KDM5B: variants seen among roughly 807,000 people sequenced by gnomAD.
The protein encoded by KDM5B is lysine-specific demethylase 5B.
KDM5B carries 144 observed loss-of-function variants against 193.4 expected under a neutral mutation model. The observed-to-expected ratio is 0.74, with a 90% CI of 0.65 to 0.86. The LOEUF is 0.86. Ranked by LOEUF, KDM5B falls within the 40% of genes least tolerant of loss-of-function variation. KDM5B has a pLI of 0.00. For missense variants in KDM5B, 1,833 were observed against 1,886.9 expected (o/e 0.97, Z 0.53); for synonymous variants, 668 against 682.6 (o/e 0.98, Z 0.33).
intron 1 of KDM5B, among the ~76,000 whole-genome samples, chr1:202,784,413 A>G (rs898826305): frequency 3.3e-5 from 5 of 152,210 alleles, no homozygotes; most frequent in Non-Finnish European, 7.3e-5. Flanking sequence ...ATGTTCTATG[A>G]AACCCAGTCA....
chr1:202,760,654 C>A, intron 7 of KDM5B, 81 bp from the exon 8 acceptor site: 1 of 1,017,108 alleles, frequency 9.8e-7, no homozygotes, highest in Non-Finnish European at 1.4e-6. Context: ...TGAAATGGAT[C>A]TGAGACATAA....
At position 202,728,914 on chromosome 1, in the gene KDM5B, G is replaced by C; in HGVS notation, c.*122C>G. 1 of 1,135,698 alleles carries C rather than the reference G, an allele frequency of 8.8e-7. No individual in the cohort carries two copies. Among genetic ancestry groups the C allele is most frequent in the Non-Finnish European group, 1.3e-6 (1 of 784,574 alleles). The allele number at this position is 1,135,698 out of a possible 1,614,324, so 70.4% of individuals were successfully genotyped here. ...TGGAAAAATGATCCCATAAGGAATA[G>C]AAATAGCACCGTTTACAGGCTGGCT... On this transcript the variant is annotated 3_prime_UTR_variant, in exon 27 of 27. Transcript: ENST00000367265.
chr1:202,742,388 T>TAC lies in KDM5B; in HGVS notation c.2589+1_2589+2dup. On this transcript the variant is annotated splice_region_variant and intron_variant, in intron 18 of 26. Transcript: ENST00000367265. ...ATTCTCCCACACATCCCTCTATGGT[T>TAC]ACCTTTAGTAATGGTGTCTGACTGA... The TAC allele has an allele frequency of 6.2e-7, 1 of 1,600,686 alleles. No homozygotes were observed. Among genetic ancestry groups the TAC allele is most frequent in the East Asian group, 2.2e-5 (1 of 44,832 alleles).
rs569975490 is a variant in KDM5B at position 202,767,991 on chromosome 1, C to A, written c.577-931G>T. ...ACTGTATAGTTTCAGATATAACTAG[C>A]AAAGTTATCATCCAAAGATATCACC... On this transcript the variant is annotated intron_variant, in intron 4 of 26. Coordinates refer to ENST00000367265, the MANE Select transcript of KDM5B (RefSeq NM_006618.5). Among the ~76,000 whole-genome samples the A allele has an allele frequency of 2.8e-4, 42 of 152,260 alleles. No individual in the cohort carries two copies. The South Asian group carries it at 8.7e-3, about 32-fold the overall frequency.
Position 202,735,510 on chromosome 1 carries a change from A to G in KDM5B, c.3342T>C (p.Asn1114=), listed in dbSNP as rs1297334067. Residue 1114 remains asparagine, a synonymous_variant, in exon 22 of 27, where the codon AAT becomes AAC. Transcript: ENST00000367265. ...CTAATTTGGTGCTTTTTTTCTTTCCATTTGGCAAGGGCTCCTTTAACTTTC... is the reference window on the plus strand; with the variant it reads ...CTAATTTGGTGCTTTTTTTCTTTCCGTTTGGCAAGGGCTCCTTTAACTTTC... ...KQRKLKEPLP[N]GKKKSTKLES... The G allele has an allele frequency of 6.2e-7, 1 of 1,613,936 alleles. No individual in the cohort carries two copies. The highest frequency in any genetic ancestry group is 1.7e-5 in the Admixed American group (1 of 60,012).
At chr1:202,769,437 AGG>A (rs1656617665) in intron 4 of KDM5B, among the ~76,000 whole-genome samples, 1 of 151,482 alleles carries the variant, frequency 6.6e-6, no homozygotes, top group Non-Finnish European at 1.5e-5. Context: ...TGGGAGGCCA[AGG>A]CAGGTAGATC....
chr1:202,796,010 G>C (rs1657831103), intron 1 of KDM5B: 1 of 192,306 alleles, frequency 5.2e-6, no homozygotes, highest in African/African-American at 2.4e-5. Context: ...CCAATCTAGA[G>C]CTAGGACTGA....
At chr1:202,781,416 G>A (rs1475699704) in intron 1 of KDM5B, among the ~76,000 whole-genome samples, 1 of 152,152 alleles carries the variant, frequency 6.6e-6, no homozygotes. Flanking sequence ...GGTAATTATC[G>A]GTAAGGCCTT....
chr1:202,754,493 A>G (rs1239067743), intron 11 of KDM5B, among the ~76,000 whole-genome samples: 4 of 152,146 alleles, frequency 2.6e-5, no homozygotes, highest in Admixed American at 2.6e-4. Flanking sequence ...GGCTCACTCT[A>G]CTGTGCATAG....
chr1:202,783,636 G>C (rs535512585), intron 1 of KDM5B, among the ~76,000 whole-genome samples: 20 of 152,284 alleles, frequency 1.3e-4, no homozygotes, highest in African/African-American at 4.8e-4. Context: ...CCAGCACTTC[G>C]GGAGGCCGAG....
At chr1:202,782,359 T>C (rs79175116) in intron 1 of KDM5B, among the ~76,000 whole-genome samples, 1 of 151,800 alleles carries the variant, frequency 6.6e-6, no homozygotes, top group African/African-American at 2.4e-5. Flanking sequence ...GGGACACGAA[T>C]TTTTTTTTCT....
intron 7 of KDM5B, 28 bp downstream of exon 7, chr1:202,762,671 A>T: frequency 7.9e-7 from 1 of 1,270,462 alleles, no homozygotes; most frequent in Non-Finnish European, 1.2e-6. Flanking sequence ...AACAGGAAAG[A>T]AAAAGGAGAA....
At position 202,755,278 on chromosome 1, in the gene KDM5B, A is replaced by T; in HGVS notation, c.1531T>A (p.Leu511Met). Reference sequence around the variant, plus strand: ...CTTTTTGGAACTTCTCACCAGTGCAAGTAGTTAATTGAATAGCTCCAGTGG... The same window carrying T: ...CTTTTTGGAACTTCTCACCAGTGCATGTAGTTAATTGAATAGCTCCAGTGG... ...EDHWSYSINY[L>M]HWGEPKTWYG... is the part of the protein sequence containing the mutation. Residue 511 changes from leucine (L) to methionine (M), a missense_variant, in exon 11 of 27, where the codon TTG becomes ATG. Coordinates refer to ENST00000367265, the MANE Select transcript of KDM5B (RefSeq NM_006618.5). 6.2e-7 allele frequency: 1 copy of T among 1,613,890 alleles called. No individual in the cohort carries two copies. The highest frequency in any genetic ancestry group is 8.5e-7 in the Non-Finnish European group (1 of 1,179,780).
Position 202,760,592 on chromosome 1 carries a change from G to T in KDM5B, c.919-19C>A. The T allele has an allele frequency of 6.4e-7, 1 of 1,571,988 alleles. No homozygotes were observed. The highest frequency in any genetic ancestry group is 8.6e-7 in the Non-Finnish European group (1 of 1,159,300). On this transcript the variant is annotated intron_variant, in intron 7 of 26. Coordinates refer to ENST00000367265, the MANE Select transcript of KDM5B (RefSeq NM_006618.5). ...GGTCCACCTGTAGCAATAAAAGTGG[G>T]TACAGAACAAAGGAACATGAGCTAT...
At chr1:202,747,170 T>C (rs1655591910) in intron 14 of KDM5B, among the ~76,000 whole-genome samples, 1 of 152,188 alleles carries the variant, frequency 6.6e-6, no homozygotes, top group African/African-American at 2.4e-5. Flanking sequence ...CTGCCAATTA[T>C]ATGGGCCAAC....
chr1:202,737,889 G>A (rs901455803), intron 20 of KDM5B, among the ~76,000 whole-genome samples: 1 of 152,156 alleles, frequency 6.6e-6, no homozygotes, highest in Admixed American at 6.5e-5. Flanking sequence ...GGGAAGACTG[G>A]GTAGGTTGAT....
At chr1:202,786,661 G>A (rs1657426732) in intron 1 of KDM5B, among the ~76,000 whole-genome samples, 1 of 152,188 alleles carries the variant, frequency 6.6e-6, no homozygotes, top group African/African-American at 2.4e-5. Context: ...CTTCTTGACT[G>A]CATGTTCTTT....
intron 11 of KDM5B, among the ~76,000 whole-genome samples, chr1:202,753,674 TG>T (rs68018905): frequency 0.31 from 35,611 of 116,196 alleles, 5,639 homozygotes; most frequent in Admixed American, 0.38. Flanking sequence ...GTTTTTTTTT[TG>T]TTTTTTTTTT....
At chr1:202,760,090 A>G (rs922476646) in intron 8 of KDM5B, among the ~76,000 whole-genome samples, 4 of 152,106 alleles carry the variant, frequency 2.6e-5, no homozygotes, top group African/African-American at 9.7e-5. Flanking sequence ...AGGTAGGAGG[A>G]CTATTTGAGC....
Sources: allele counts gnomAD v4.1 joint callset (sites outside exome capture counted in the v4.1 genomes callset), GRCh38; gene constraint gnomAD v4.1.1; transcripts MANE v1.5; gene names NCBI Gene and HGNC (gene_info 2026-07-23, HGNC 2026-07-21).